SYPL1: variants seen among roughly 807,000 people sequenced by gnomAD.
SYPL1 encodes synaptophysin like 1, also known as synaptophysin-like protein 1.
In SYPL1, 6 loss-of-function variants were observed where a neutral mutation model predicts 23.7. That is an observed-to-expected ratio of 0.25 (90% confidence interval 0.14 to 0.50). The LOEUF (loss-of-function observed/expected upper bound fraction) is 0.50, where lower values mean the gene tolerates loss of function less well. Ranked by LOEUF, SYPL1 falls within the 20% of genes least tolerant of loss-of-function variation. The pLI is 0.98. For synonymous variants in SYPL1, 102 were observed against 104.5 expected (o/e 0.98, Z 0.15); for missense variants, 253 against 288.9 (o/e 0.88, Z 0.90).
intron 4 of SYPL1, chr7:106,092,721 C>A: frequency 1.8e-6 from 1 of 541,308 alleles, no homozygotes; most frequent in Non-Finnish European, 3.3e-6. Flanking sequence ...ATAAATCTGA[C>A]TAGATGAAAG....
chr7:106,111,305 C>T (rs535535455), intron 1 of SYPL1, among the ~76,000 whole-genome samples: 4 of 152,362 alleles, frequency 2.6e-5, no homozygotes, highest in African/African-American at 9.6e-5. Context: ...TCTATAAACA[C>T]AACTTGCCTG....
At chr7:106,111,455 G>A (rs1316090592) in intron 1 of SYPL1, among the ~76,000 whole-genome samples, 3 of 152,160 alleles carry the variant, frequency 2.0e-5, no homozygotes, top group Non-Finnish European at 4.4e-5. Flanking sequence ...GTGTTCTCAG[G>A]AAAGGACTAA....
At chr7:106,094,088 G>A (rs1011295133) in intron 3 of SYPL1, among the ~76,000 whole-genome samples, 9 of 152,252 alleles carry the variant, frequency 5.9e-5, no homozygotes, top group African/African-American at 1.4e-4. Context: ...AAACATATGC[G>A]TACACTCAAG....
intron 1 of SYPL1, among the ~76,000 whole-genome samples, chr7:106,102,850 A>T (rs1459608716): frequency 5.9e-5 from 9 of 152,248 alleles, no homozygotes. Context: ...AGCTGCACAC[A>T]AAAGTAAAAA....
upstream of SYPL1, chr7:106,112,360 G>GGCGGA (rs1790216108): frequency 2.3e-6 from 3 of 1,279,098 alleles, no homozygotes; most frequent in Admixed American, 4.3e-5. Context: ...GGCGGGGCGG[G>GGCGGA]GCGGAGCGGC....
intron 1 of SYPL1, among the ~76,000 whole-genome samples, 185 bp from the exon 2 acceptor site, chr7:106,099,467 C>T (rs1840201277): frequency 6.6e-6 from 1 of 152,186 alleles, no homozygotes; most frequent in South Asian, 2.1e-4. Context: ...TCAGGGCTCA[C>T]TGCAGCCTTG....
rs1840019433 is a variant in SYPL1, at chr7:106,096,356, T to C, written c.402+1334A>G. The C allele has an allele frequency of 6.6e-6, 1 of 152,230 alleles. No individual in the cohort carries two copies. The highest frequency in any genetic ancestry group is 2.4e-5 in the African/African-American group (1 of 41,458). 9.4% of individuals were successfully genotyped at this position (152,230 alleles called of 1,614,324 possible). A position where few individuals can be genotyped will look rare whatever the true frequency, so the allele number is the denominator to read the frequency against. On this transcript the variant is annotated intron_variant, in intron 3 of 4. Transcript: ENST00000455385. The surrounding 1 kb of genome is among the most constrained non-coding windows in gnomAD (Gnocchi z 4.4). Reference sequence around the variant, plus strand: ...AAATATGTAAATAAAACTTGTAATGTTATTTAATAATCCTTCATATTTAAA... The same window carrying C: ...AAATATGTAAATAAAACTTGTAATGCTATTTAATAATCCTTCATATTTAAA...
Position 106,097,350 on chromosome 7 carries a change from G to A in SYPL1, c.402+340C>T, listed in dbSNP as rs1233617990. Reference sequence around the variant, plus strand: ...TTTAGAGAAAGAAAAAAAGTAAGAAGCAGAAAGAGTTATGAGACTATGTTG... The same window carrying A: ...TTTAGAGAAAGAAAAAAAGTAAGAAACAGAAAGAGTTATGAGACTATGTTG... On this transcript the variant is annotated intron_variant, in intron 3 of 4. Transcript: ENST00000455385. The surrounding 1 kb of genome is among the most constrained non-coding windows in gnomAD (Gnocchi z 4.6). Among the ~76,000 whole-genome samples the A allele has an allele frequency of 6.6e-6, 1 of 152,152 alleles. No homozygotes were observed. Among genetic ancestry groups the A allele is most frequent in the Non-Finnish European group, 1.5e-5 (1 of 68,004 alleles).
chr7:106,091,966 A>T lies in SYPL1; in HGVS notation c.592-27T>A. 6.3e-7 allele frequency: 1 copy of T among 1,579,600 alleles called. No individual in the cohort carries two copies. The highest frequency in any genetic ancestry group is 2.2e-5 in the East Asian group (1 of 44,616). ...TATGAAAGAGAAAAAGAAATATGAA[A>T]ATCAAATACCTACTTATAAAAATTC... On this transcript the variant is annotated intron_variant, in intron 4 of 4. Transcript: ENST00000455385. This position sits in a 1 kb window ranked among gnomAD's most constrained non-coding sequence, Gnocchi z 5.0.
rs568333590 is a variant in SYPL1 at position 106,103,751 on chromosome 7, A to AATTACT, written c.70-4475_70-4470dup. Among the ~76,000 whole-genome samples the AATTACT allele has an allele frequency of 1.0e-3, 157 of 152,340 alleles. No individual in the cohort carries two copies. The South Asian group carries it at 0.013, about 12-fold the overall frequency. On this transcript the variant is annotated intron_variant, in intron 1 of 4. Transcript: ENST00000455385. Reference sequence around the variant, plus strand: ...TTAGTGTGGTTAATAGAACACTGAAAATTACTATGTGGTTTGCATTTTTGC... The same window carrying AATTACT: ...TTAGTGTGGTTAATAGAACACTGAAAATTACTATTACTATGTGGTTTGCATTTTTGC...
intron 1 of SYPL1, chr7:106,111,783 T>G: frequency 6.4e-6 from 1 of 156,998 alleles, no homozygotes; most frequent in Non-Finnish European, 1.4e-5. Context: ...GCCGCCGGGT[T>G]TCGGTTAGAC....
rs1839947177 is a variant in SYPL1, at chr7:106,095,005, G to A, written c.403-1868C>T. Among the ~76,000 whole-genome samples, 1 of 152,134 alleles carries A rather than the reference G, an allele frequency of 6.6e-6. No individual in the cohort carries two copies. Among genetic ancestry groups the A allele is most frequent in the Non-Finnish European group, 1.5e-5 (1 of 68,028 alleles). ...CCTGGAGCTCTGCAATGCACAACCT[G>A]CAGCTGCCTAGGGCAGCTCTACTCC... On this transcript the variant is annotated intron_variant, in intron 3 of 4. Transcript: ENST00000455385. This position sits in a 1 kb window ranked among gnomAD's most constrained non-coding sequence, Gnocchi z 4.3.
chr7:106,107,965 C>G (rs559356249), intron 1 of SYPL1, among the ~76,000 whole-genome samples: 2 of 151,916 alleles, frequency 1.3e-5, no homozygotes, highest in Admixed American at 1.3e-4. Context: ...GAGGCCGAGG[C>G]GGGTGGATCA....
In SYPL1 at chr7:106,092,961, T is replaced by G. The variant is rs1386349748; in HGVS notation, c.579A>C (p.Leu193=). 6.3e-7 allele frequency: 1 copy of G among 1,585,966 alleles called. No homozygotes were observed. The highest frequency in any genetic ancestry group is 2.3e-5 in the East Asian group (1 of 44,306). Residue 193 remains leucine (L), a synonymous_variant, in exon 4 of 5, where the codon CTA becomes CTC. Coordinates refer to ENST00000455385, the MANE Select transcript of SYPL1 (RefSeq NM_182715.4). ...YFGSVTSMGS[L]NVSVIFGFLN... ...AATGCATACATACCACAGATACATT[T>G]AGGGATCCCATACTGGTCACAGAGC... is the stretch of plus-strand genomic sequence containing the variant.
Position 106,097,798 on chromosome 7 carries a change from T to C in SYPL1, c.294A>G (p.Gln98=), listed in dbSNP as rs1840097526. The C allele has an allele frequency of 2.5e-6, 4 of 1,614,048 alleles. No individual in the cohort carries two copies. The highest frequency in any genetic ancestry group is 3.3e-4 in the Middle Eastern group (2 of 6,060). ...CAAAGACTGCAAAGGTAACATAGAA[T>C]TGTGCAGAAGAAGAGTAATCGCCTA... ...VLIGDYSSSA[Q]FYVTFAVFVF... is the part of the protein sequence containing the mutation. Residue 98 remains glutamine (Q), a synonymous_variant, in exon 3 of 5, where the codon CAA becomes CAG. Transcript: ENST00000455385. The surrounding 1 kb of genome is among the most constrained non-coding windows in gnomAD (Gnocchi z 4.6).
In SYPL1 at chr7:106,109,821, A is replaced by T. The variant is rs796407736; in HGVS notation, c.69+2319T>A. Among the ~76,000 whole-genome samples, 2 of 152,118 alleles carry T rather than the reference A, an allele frequency of 1.3e-5. No individual in the cohort carries two copies. Among genetic ancestry groups the T allele is most frequent in the Non-Finnish European group, 2.9e-5 (2 of 68,004 alleles). On this transcript the variant is annotated intron_variant, in intron 1 of 4. Coordinates refer to ENST00000455385, the MANE Select transcript of SYPL1 (RefSeq NM_182715.4). This position sits in a 1 kb window ranked among gnomAD's most constrained non-coding sequence, Gnocchi z 4.3. ...CCCTTTTGTAAACCCCTTCAGTCCT[A>T]CTGAAACTAATTTTAGGCCCTCATA...
chr7:106,105,986 T>C (rs1482670258), intron 1 of SYPL1, among the ~76,000 whole-genome samples: 5 of 152,076 alleles, frequency 3.3e-5, no homozygotes, highest in Non-Finnish European at 5.9e-5. Context: ...AAAGAGAAAA[T>C]GGAAGCATTC....
chr7:106,112,248 G>A lies in SYPL1; in HGVS notation c.-40C>T. ...AGGGAGAGAGAGTCAGGACGACGGGGCGGAGGAGGGGACCGACGAGACCAG... is the reference window on the plus strand; with the variant it reads ...AGGGAGAGAGAGTCAGGACGACGGGACGGAGGAGGGGACCGACGAGACCAG... On this transcript the variant is annotated 5_prime_UTR_variant, in exon 1 of 5. Coordinates refer to ENST00000455385, the MANE Select transcript of SYPL1 (RefSeq NM_182715.4). 2 of 1,517,316 alleles carry A rather than the reference G, an allele frequency of 1.3e-6. No individual in the cohort carries two copies. The highest frequency in any genetic ancestry group is 1.8e-5 in the Admixed American group (1 of 54,932). 94.0% of individuals were successfully genotyped at this position (1,517,316 alleles called of 1,614,324 possible). A position where few individuals can be genotyped will look rare whatever the true frequency, so the allele number is the denominator to read the frequency against.
chr7:106,112,368 G>A, upstream of SYPL1: 2 of 1,286,854 alleles, frequency 1.6e-6, no homozygotes, highest in African/African-American at 1.6e-5. Context: ...GGGGCGGAGC[G>A]GCGGCGGTTG....
Sources: allele counts gnomAD v4.1 joint callset (sites outside exome capture counted in the v4.1 genomes callset), GRCh38; gene constraint gnomAD v4.1.1; non-coding constraint Gnocchi (gnomAD v3.1); transcripts MANE v1.5; gene names NCBI Gene and HGNC (gene_info 2026-07-23, HGNC 2026-07-21).